Variants in BUD23 observed in about 807,000 individuals in gnomAD.
BUD23 encodes the protein BUD23 rRNA methyltransferase and ribosome maturation factor, also known as 18S rRNA (guanine-N(7))-methyltransferase.
A neutral mutation model predicts 47.0 loss-of-function variants in BUD23; 34 were observed. That is an observed-to-expected ratio of 0.72 (90% CI 0.55 to 0.96). The LOEUF is 0.96. Ranked by LOEUF, BUD23 falls within the 40% of genes least tolerant of loss-of-function variation. BUD23 has a pLI of 0.00. For synonymous variants in BUD23, 124 were observed against 132.0 expected (o/e 0.94, Z 0.41); for missense variants, 343 against 361.2 (o/e 0.95, Z 0.41).
rs879991709 is a variant in BUD23 at position 73,697,996 on chromosome 7, T to TAAAA, written c.*116_*119dup. ...AAAGTTATAAAAATGTTTTCTGCAGTAAAAAAAAAGTTCTCTGGGCCGGGC... is the reference window on the plus strand; with the variant it reads ...AAAGTTATAAAAATGTTTTCTGCAGTAAAAAAAAAAAAAGTTCTCTGGGCCGGGC... On this transcript the variant is annotated 3_prime_UTR_variant, in exon 12 of 12. Coordinates refer to ENST00000265758, the MANE Select transcript of BUD23 (RefSeq NM_017528.5). 1.0e-5 allele frequency: 14 copies of TAAAA among 1,362,296 alleles called. No individual in the cohort carries two copies. Among genetic ancestry groups the TAAAA allele is most frequent in the Non-Finnish European group, 1.4e-5 (14 of 1,023,196 alleles). The allele number at this position is 1,362,296 out of a possible 1,614,324, so 84.4% of individuals were successfully genotyped here.
chr7:73,697,736 G>T, intron 11 of BUD23, 42 bp downstream of exon 11: 1 of 1,609,924 alleles, frequency 6.2e-7, no homozygotes, highest in Non-Finnish European at 8.5e-7. Flanking sequence ...GTGGGGGGTG[G>T]ATGACTATTG....
intron 7 of BUD23, 22 bp from the exon 8 acceptor site, chr7:73,693,307 C>T: frequency 6.2e-7 from 1 of 1,608,532 alleles, no homozygotes; most frequent in Non-Finnish European, 8.5e-7. Context: ...CGCTGCCTGA[C>T]CCGCTGCCTT....
At position 73,691,019 on chromosome 7, in the gene BUD23, A is replaced by G. The variant is rs1563555665; in HGVS notation, c.459+7A>G. ...TTCTCTTTTTTCTGTTCTCGTGAGT[A>G]TAAGATCTTCTCCCCATCTGGGTTA... On this transcript the variant is annotated splice_region_variant and intron_variant, in intron 6 of 11. Transcript: ENST00000265758. 6 of 1,613,536 alleles carry G rather than the reference A, an allele frequency of 3.7e-6. No homozygotes were observed. Among genetic ancestry groups the G allele is most frequent in the South Asian group, 3.3e-5 (3 of 91,074 alleles).
At position 73,698,075 on chromosome 7, in the gene BUD23, C is replaced by A; in HGVS notation, c.*189C>A. 2 of 267,830 alleles carry A rather than the reference C, an allele frequency of 7.5e-6. No individual in the cohort carries two copies. The highest frequency in any genetic ancestry group is 6.4e-6 in the Non-Finnish European group (1 of 155,626). The allele number at this position is 267,830 out of a possible 1,614,324, so 16.6% of individuals were successfully genotyped here. ...CCTTGGGAGGCTGAGGTGGGAGGAT[C>A]ATTTGAGGCCAGGAGTTTGAGACCT... On this transcript the variant is annotated 3_prime_UTR_variant, in exon 12 of 12. Coordinates refer to ENST00000265758, the MANE Select transcript of BUD23 (RefSeq NM_017528.5).
chr7:73,693,208 CT>C, intron 7 of BUD23, 120 bp from the exon 8 acceptor site: 1 of 938,774 alleles, frequency 1.1e-6, no homozygotes, highest in South Asian at 1.4e-5. Context: ...TTACAGCGAC[CT>C]TAAGTTCTCC....
intron 7 of BUD23, chr7:73,693,084 G>C: frequency 5.2e-6 from 3 of 577,316 alleles, no homozygotes; most frequent in Non-Finnish European, 9.3e-6. Context: ...CTTGAGTGGG[G>C]AGCTGGGTCC....
At chr7:73,697,323 C>G in intron 10 of BUD23, 1 of 959,364 alleles carries the variant, frequency 1.0e-6, no homozygotes, top group South Asian at 1.6e-5. Flanking sequence ...AGCTGCTTCC[C>G]GAAGAGGGAA....
intron 4 of BUD23, 32 bp from the exon 5 acceptor site, chr7:73,686,967 C>G: frequency 6.2e-7 from 1 of 1,614,084 alleles, no homozygotes; most frequent in Non-Finnish European, 8.5e-7. Context: ...ACAGGTATTT[C>G]TCTTTCTCTG....
intron 5 of BUD23, among the ~76,000 whole-genome samples, chr7:73,687,400 C>T (rs1325072993): frequency 6.6e-6 from 1 of 152,160 alleles, no homozygotes; most frequent in Non-Finnish European, 1.5e-5. Flanking sequence ...CCTCAGCCTC[C>T]CAAGTAGCTG....
intron 10 of BUD23, 128 bp downstream of exon 10, chr7:73,694,178 G>C: frequency 1.0e-6 from 1 of 980,422 alleles, no homozygotes; most frequent in Non-Finnish European, 1.5e-6. Flanking sequence ...GGTGACGGTA[G>C]AAACATCAGG....
At position 73,687,318 on chromosome 7, in the gene BUD23, C is replaced by G. The variant is rs139466499; in HGVS notation, c.362+223C>G. 6.8e-3 allele frequency among the ~76,000 whole-genome samples: 1,033 copies of G among 152,192 alleles called. 11 individuals carry two copies. The highest frequency in any genetic ancestry group is 0.01 in the Non-Finnish European group (687 of 68,002). Reference sequence around the variant, plus strand: ...TTTGAGATGGAGTCTTGCTCTGTCACCAGGCTGGAGTGCAGTGGTGTGATC... The same window carrying G: ...TTTGAGATGGAGTCTTGCTCTGTCAGCAGGCTGGAGTGCAGTGGTGTGATC... On this transcript the variant is annotated intron_variant, in intron 5 of 11. Coordinates refer to ENST00000265758, the MANE Select transcript of BUD23 (RefSeq NM_017528.5).
At position 73,697,606 on chromosome 7, in the gene BUD23, T is replaced by G. The variant is rs373820094; in HGVS notation, c.703T>G (p.Phe235Val). Residue 235 changes from phenylalanine to valine, a missense_variant and splice_region_variant, in exon 11 of 12, where the codon TTC (phenylalanine) becomes GTC (valine). Coordinates refer to ENST00000265758, the MANE Select transcript of BUD23 (RefSeq NM_017528.5). ...CTCATAGCTGTGTCTCCGCCACAGG[T>G]TCCCATTAAGGATGTCGAGGCGGGG... ...PRESVFTNERFPLRMSRRGMV... is the reference protein window; with the variant it reads ...PRESVFTNERVPLRMSRRGMV... 5 of 1,613,466 alleles carry G rather than the reference T, an allele frequency of 3.1e-6. No individual in the cohort carries two copies. Among genetic ancestry groups the G allele is most frequent in the Non-Finnish European group, 4.2e-6 (5 of 1,179,946 alleles).
At chr7:73,696,405 G>A (rs560690023) in intron 10 of BUD23, 1 of 152,302 alleles carries the variant, frequency 6.6e-6, no homozygotes, top group East Asian at 1.9e-4. Flanking sequence ...ATGTGTCTTA[G>A]GATCCTTCTT....
intron 6 of BUD23, 29 bp downstream of exon 6, chr7:73,691,041 G>C: frequency 6.3e-7 from 1 of 1,595,414 alleles, no homozygotes; most frequent in Non-Finnish European, 8.6e-7. Flanking sequence ...CCCCATCTGG[G>C]TTAGCTGCCT....
At chr7:73,690,889 T>TG in intron 5 of BUD23, 27 bp from the exon 6 acceptor site, 1 of 1,604,620 alleles carries the variant, frequency 6.2e-7, no homozygotes, top group Non-Finnish European at 8.5e-7. Flanking sequence ...ATTGCTCCGT[T>TG]GCCTGACTAG....
chr7:73,692,641 G>C lies in BUD23; in HGVS notation c.505G>C (p.Glu169Gln), dbSNP rs1218741883. The C allele has an allele frequency of 6.2e-7, 1 of 1,613,390 alleles. No homozygotes were observed. The highest frequency in any genetic ancestry group is 1.3e-5 in the African/African-American group (1 of 74,924). Reference sequence around the variant, plus strand: ...CCTGCAGCTGTACCCTGAGAACTCAGAGCAGGTGAGTCCCTCGGCTACTGG... The same window carrying C: ...CCTGCAGCTGTACCCTGAGAACTCACAGCAGGTGAGTCCCTCGGCTACTGG... ...AVLQLYPENSEQLELITTQAT... is the reference protein window; with the variant it reads ...AVLQLYPENSQQLELITTQAT... The change falls in exon 7 of 12, where the codon GAG becomes CAG. Residue 169 changes from glutamate to glutamine, a missense_variant. Physicochemically the swap from Glu to Gln is conservative, Grantham distance 29. Coordinates refer to ENST00000265758, the MANE Select transcript of BUD23 (RefSeq NM_017528.5).
chr7:73,689,837 G>A (rs1177884402), intron 5 of BUD23, among the ~76,000 whole-genome samples: 3 of 152,136 alleles, frequency 2.0e-5, no homozygotes, highest in Non-Finnish European at 4.4e-5. Flanking sequence ...TGGTGAAAGA[G>A]GAGAGAGAGT....
intron 8 of BUD23, 65 bp from the exon 9 acceptor site, chr7:73,693,559 C>T: frequency 1.2e-6 from 2 of 1,607,676 alleles, no homozygotes; most frequent in East Asian, 2.2e-5. Context: ...GGTGGGGGAG[C>T]TGAGGGCTTG....
intron 10 of BUD23, 64 bp downstream of exon 10, chr7:73,694,114 CT>C: frequency 6.5e-7 from 1 of 1,541,154 alleles, no homozygotes; most frequent in Non-Finnish European, 8.8e-7. Context: ...TAGACATGGA[CT>C]TTCTCTCTGC....
Sources: gnomAD v4.1 joint callset for allele counts (sites outside exome capture counted in the v4.1 genomes callset) on GRCh38, gnomAD v4.1.1 for gene constraint, MANE v1.5 for transcripts, NCBI Gene and HGNC (gene_info 2026-07-23, HGNC 2026-07-21) for gene names.